Variants in FAM135B observed in about 807,000 individuals in gnomAD.
The protein encoded by FAM135B is family with sequence similarity 135 member B, also known as protein FAM135B.
Under a neutral mutation model 127.7 loss-of-function variants are expected in FAM135B, and 43 were observed. The ratio of observed to expected loss-of-function variants is 0.34; its 90% CI spans 0.26 to 0.43. FAM135B has a LOEUF of 0.43. Ranked by LOEUF, FAM135B falls within the 20% of genes least tolerant of loss-of-function variation. FAM135B has a pLI of 1.00. For missense variants in FAM135B, 1,558 were observed against 1,725.6 expected (o/e 0.90, Z 1.72); for synonymous variants, 670 against 665.1 (o/e 1.01, Z -0.11).
intron 1 of FAM135B, among the ~76,000 whole-genome samples, chr8:138,449,235 T>C (rs555517386): frequency 2.0e-5 from 3 of 152,162 alleles, no homozygotes; most frequent in Non-Finnish European, 4.4e-5. Flanking sequence ...CTGTATTAAG[T>C]AGAATAAAAG....
At chr8:138,349,593 C>T (rs138658276) in intron 2 of FAM135B, among the ~76,000 whole-genome samples, 8 of 152,184 alleles carry the variant, frequency 5.3e-5, no homozygotes, top group East Asian at 1.9e-4. Context: ...ATTTGACATA[C>T]GGCTGGCCAC....
chr8:138,279,715 T>G lies in FAM135B; in HGVS notation c.158-13873A>C, dbSNP rs558122966. ...TTCATCTAGCTTTACACCTTTCCTG[T>G]GTCTCACAGAGTCCACCTCCTATTT... On this transcript the variant is annotated intron_variant, in intron 3 of 19. Transcript: ENST00000395297. 1.5e-4 allele frequency among the ~76,000 whole-genome samples: 23 copies of G among 152,348 alleles called. No homozygotes were observed. In the East Asian group the frequency reaches 4.5e-3, roughly 29 times the overall value.
At chr8:138,239,642 T>A (rs11992422) in intron 7 of FAM135B, among the ~76,000 whole-genome samples, 10 of 152,008 alleles carry the variant, frequency 6.6e-5, no homozygotes, top group African/African-American at 2.2e-4. Flanking sequence ...AGCCATCCCA[T>A]TACTGGGTAT....
At chr8:138,314,662 G>A (rs2130911667) in intron 2 of FAM135B, among the ~76,000 whole-genome samples, 1 of 115,440 alleles carries the variant, frequency 8.7e-6, no homozygotes, top group Non-Finnish European at 1.9e-5. Flanking sequence ...CTTGAGCCCA[G>A]GCTAGGCAAT....
chr8:138,441,743 T>C (rs965040728), intron 1 of FAM135B: 1 of 151,890 alleles, frequency 6.6e-6, no homozygotes, highest in Admixed American at 6.6e-5. Context: ...TTTCCTTAGA[T>C]TAGCTTGAGA....
intron 1 of FAM135B, among the ~76,000 whole-genome samples, chr8:138,462,826 G>A (rs1837202302): frequency 6.6e-6 from 1 of 152,206 alleles, no homozygotes; most frequent in East Asian, 1.9e-4. Context: ...GAGAAAATCT[G>A]AAGCTGGGTC....
chr8:138,340,887 G>A (rs556720104), intron 2 of FAM135B, among the ~76,000 whole-genome samples: 6 of 152,206 alleles, frequency 3.9e-5, no homozygotes, highest in East Asian at 1.9e-4. Flanking sequence ...CTCAGCCCCC[G>A]CATGCTCTCC....
At chr8:138,306,206 G>A (rs530801597) in intron 3 of FAM135B, among the ~76,000 whole-genome samples, 10 of 152,022 alleles carry the variant, frequency 6.6e-5, no homozygotes, top group Admixed American at 5.9e-4. Flanking sequence ...AGGCTGAGGC[G>A]GGCAGATCAC....
At chr8:138,148,418 T>C (rs753538462) in intron 14 of FAM135B, 102 bp downstream of exon 14, 13 of 943,608 alleles carry the variant, frequency 1.4e-5, no homozygotes, top group Admixed American at 5.3e-5. Context: ...CAGTTGCTAA[T>C]TGAACATTCT....
intron 2 of FAM135B, among the ~76,000 whole-genome samples, chr8:138,319,797 G>A (rs78748044): frequency 0.043 from 6,532 of 152,220 alleles, 456 homozygotes; most frequent in African/African-American, 0.14. Flanking sequence ...CAGAATTAAG[G>A]TTGCAGATGA....
chr8:138,381,148 C>G (rs555316799), intron 1 of FAM135B, among the ~76,000 whole-genome samples: 2 of 152,278 alleles, frequency 1.3e-5, no homozygotes, highest in South Asian at 4.1e-4. Context: ...CATATTTAAT[C>G]TGATCATAAT....
chr8:138,410,667 C>T (rs935042237), intron 1 of FAM135B, among the ~76,000 whole-genome samples: 6 of 152,140 alleles, frequency 3.9e-5, no homozygotes, highest in East Asian at 3.9e-4. Context: ...GAAAAGCATT[C>T]GCTCATACAC....
intron 1 of FAM135B, among the ~76,000 whole-genome samples, chr8:138,369,893 G>A (rs340709): frequency 0.99 from 151,378 of 152,302 alleles, 75,237 homozygotes; most frequent in East Asian, 1. Context: ...TGGGGTTGTC[G>A]GCTTTCCATT....
In FAM135B at chr8:138,239,907, C is replaced by T. The variant is rs535451287; in HGVS notation, c.669+3035G>A. Among the ~76,000 whole-genome samples, 399 of 151,562 alleles carry T rather than the reference C, an allele frequency of 2.6e-3. 4 individuals are homozygous for T. Among genetic ancestry groups the T allele is most frequent in the Non-Finnish European group, 3.3e-3 (226 of 67,952 alleles). On this transcript the variant is annotated intron_variant, in intron 7 of 19. Coordinates refer to ENST00000395297, the MANE Select transcript of FAM135B (RefSeq NM_015912.4). ...AGCAAACTATTGCAAGGACAAAAAA[C>T]CAAACACCGCATGTTCTCACTCATA...
chr8:138,306,323 C>T (rs1826252525), intron 3 of FAM135B, among the ~76,000 whole-genome samples: 1 of 150,994 alleles, frequency 6.6e-6, no homozygotes, highest in African/African-American at 2.4e-5. Flanking sequence ...TAATCCCAGA[C>T]ACTTGGGAGG....
chr8:138,324,287 C>T (rs577549308), intron 2 of FAM135B, among the ~76,000 whole-genome samples: 82 of 152,142 alleles, frequency 5.4e-4, no homozygotes, highest in Non-Finnish European at 1.0e-3. Context: ...TCACATGACT[C>T]CTAAGTCAGG....
chr8:138,417,997 T>C (rs1300254955), intron 1 of FAM135B, among the ~76,000 whole-genome samples: 2 of 152,042 alleles, frequency 1.3e-5, no homozygotes, highest in Non-Finnish European at 2.9e-5. Context: ...ATGATAATGA[T>C]TATCATCAAG....
At chr8:138,295,779 A>G (rs1444081907) in intron 3 of FAM135B, among the ~76,000 whole-genome samples, 1 of 152,200 alleles carries the variant, frequency 6.6e-6, no homozygotes, top group Non-Finnish European at 1.5e-5. Flanking sequence ...TTAAGGAAAG[A>G]TTATGTCTTT....
At chr8:138,258,820 CA>C (rs1822317599) in intron 4 of FAM135B, among the ~76,000 whole-genome samples, 1 of 150,666 alleles carries the variant, frequency 6.6e-6, no homozygotes, top group Admixed American at 6.6e-5. Context: ...CACACACACA[CA>C]CACACACACA....
Sources: gnomAD v4.1 joint callset for allele counts (sites outside exome capture counted in the v4.1 genomes callset) on GRCh38, gnomAD v4.1.1 for gene constraint, MANE v1.5 for transcripts, NCBI Gene and HGNC (gene_info 2026-07-23, HGNC 2026-07-21) for gene names.